NOX4: variants seen among roughly 807,000 people sequenced by gnomAD.
NOX4 encodes the protein NADPH oxidase 4.
A neutral mutation model predicts 87.6 loss-of-function variants in NOX4; 69 were observed. The ratio of observed to expected loss-of-function variants is 0.79; its 90% CI spans 0.65 to 0.96. NOX4 has a LOEUF of 0.96. Among genes scored for constraint, NOX4 ranks in the 40% least tolerant of loss-of-function variants. The pLI, the probability that NOX4 is intolerant of heterozygous loss-of-function variation, is 0.00. For missense variants in NOX4, 680 were observed against 681.5 expected, an observed-to-expected ratio of 1.00 and a Z score of 0.02; for synonymous variants, 275 against 238.2, an observed-to-expected ratio of 1.15 and a Z score of -1.42.
chr11:89,383,719 C>T (rs1263062007), intron 11 of NOX4, among the ~76,000 whole-genome samples: 1 of 152,144 alleles, frequency 6.6e-6, no homozygotes, highest in Non-Finnish European at 1.5e-5. Flanking sequence ...AAGTTATCCC[C>T]ACCTGCCCAG....
At chr11:89,447,353 G>GA (rs1322238712) in intron 4 of NOX4, among the ~76,000 whole-genome samples, 1 of 151,638 alleles carries the variant, frequency 6.6e-6, no homozygotes, top group Non-Finnish European at 1.5e-5. Flanking sequence ...GAATTTCTCT[G>GA]AAAAAAAATT....
intron 12 of NOX4, among the ~76,000 whole-genome samples, chr11:89,368,149 T>C (rs1390084804): frequency 1.3e-5 from 2 of 151,862 alleles, no homozygotes; most frequent in Non-Finnish European, 2.9e-5. Context: ...ATAATTATTA[T>C]AAAATAATCA....
intron 4 of NOX4, 125 bp downstream of exon 4, chr11:89,449,315 T>A (rs1203296685): frequency 4.5e-5 from 28 of 622,258 alleles, no homozygotes; most frequent in Non-Finnish European, 8.3e-6. Flanking sequence ...CAAATTGTCA[T>A]CAGTGGTTGT....
At chr11:89,554,308 C>T in the NOX4 span, among the ~76,000 whole-genome samples, 1 of 152,076 alleles carries the variant, frequency 6.6e-6, no homozygotes, top group Admixed American at 6.6e-5. Context: ...CCACATTTAT[C>T]ATAAACTACC....
At chr11:89,391,773 A>T (rs1356535079) in intron 11 of NOX4, among the ~76,000 whole-genome samples, 1 of 151,846 alleles carries the variant, frequency 6.6e-6, no homozygotes, top group Non-Finnish European at 1.5e-5. Flanking sequence ...AAGAAAAAAA[A>T]TTAATGAGAT....
intron 13 of NOX4, among the ~76,000 whole-genome samples, chr11:89,347,914 C>G (rs1946287369): frequency 6.6e-6 from 1 of 152,200 alleles, no homozygotes; most frequent in African/African-American, 2.4e-5. Flanking sequence ...GTCTAATTAT[C>G]TTTCTCCTTG....
At chr11:89,579,688 A>G in the NOX4 span, among the ~76,000 whole-genome samples, 26 of 152,200 alleles carry the variant, frequency 1.7e-4, no homozygotes, top group Admixed American at 6.5e-5. Flanking sequence ...TAACAAATTT[A>G]TCATACTAAT....
the NOX4 span, among the ~76,000 whole-genome samples, chr11:89,541,173 T>C: frequency 1.3e-5 from 2 of 152,166 alleles, no homozygotes; most frequent in African/African-American, 4.8e-5. Flanking sequence ...TTTCTCCATA[T>C]TATATTTTAT....
chr11:89,458,739 C>G (rs975666998), intron 2 of NOX4, among the ~76,000 whole-genome samples: 4 of 152,016 alleles, frequency 2.6e-5, no homozygotes, highest in Non-Finnish European at 5.9e-5. Context: ...AAATGCAAAT[C>G]AAAACCACAA....
At chr11:89,442,210 A>T (rs1336654660) in intron 5 of NOX4, among the ~76,000 whole-genome samples, 1 of 151,812 alleles carries the variant, frequency 6.6e-6, no homozygotes, top group East Asian at 1.9e-4. Context: ...GGAAATACTA[A>T]CTTAAAACGT....
chr11:89,555,347 G>A, the NOX4 span, among the ~76,000 whole-genome samples: 1 of 152,070 alleles, frequency 6.6e-6, no homozygotes, highest in Non-Finnish European at 1.5e-5. Context: ...TTAGACAGGT[G>A]TGGTAGTGAA....
chr11:89,341,242 C>T (rs975038870), intron 14 of NOX4, among the ~76,000 whole-genome samples: 5 of 150,134 alleles, frequency 3.3e-5, no homozygotes, highest in African/African-American at 1.2e-4. Context: ...CATGCCTCAG[C>T]CTCTGGAGTA....
At chr11:89,563,273 CAT>C in the NOX4 span, among the ~76,000 whole-genome samples, 5 of 152,166 alleles carry the variant, frequency 3.3e-5, no homozygotes, top group African/African-American at 4.8e-5. Context: ...TTTAGCTTTT[CAT>C]ATCTTTGTTA....
At chr11:89,573,233 C>T in the NOX4 span, among the ~76,000 whole-genome samples, 28 of 152,068 alleles carry the variant, frequency 1.8e-4, no homozygotes, top group East Asian at 4.6e-3. Context: ...TGCTTTAACC[C>T]AACTTTAAGA....
At chr11:89,505,223 T>G in the NOX4 span, among the ~76,000 whole-genome samples, 3 of 151,886 alleles carry the variant, frequency 2.0e-5, no homozygotes, top group Admixed American at 6.6e-5. Context: ...TAGAAATCAT[T>G]AATGTCTGTC....
chr11:89,447,753 C>T (rs896305843), intron 4 of NOX4, among the ~76,000 whole-genome samples: 1 of 152,052 alleles, frequency 6.6e-6, no homozygotes, highest in Non-Finnish European at 1.5e-5. Flanking sequence ...CCTGATCCTC[C>T]TCCATTTCTG....
chr11:89,530,344 C>CATT, the NOX4 span, among the ~76,000 whole-genome samples: 1 of 127,828 alleles, frequency 7.8e-6, no homozygotes, highest in Non-Finnish European at 1.6e-5. Flanking sequence ...GATGTCTATT[C>CATT]TTTTTTTTTT....
chr11:89,584,065 AAC>A, the NOX4 span, among the ~76,000 whole-genome samples: 3 of 152,192 alleles, frequency 2.0e-5, no homozygotes, highest in Non-Finnish European at 2.9e-5. Flanking sequence ...AGGCAAGCCA[AAC>A]ACAGTCTCTC....
the NOX4 span, among the ~76,000 whole-genome samples, chr11:89,506,654 G>A: frequency 6.6e-6 from 1 of 151,692 alleles, no homozygotes; most frequent in Non-Finnish European, 1.5e-5. Flanking sequence ...AGAAGCCACA[G>A]ACATGAATAA....
Sources: gnomAD v4.1 joint callset for allele counts (sites outside exome capture counted in the v4.1 genomes callset) on GRCh38, gnomAD v4.1.1 for gene constraint, MANE v1.5 for transcripts, NCBI Gene and HGNC (gene_info 2026-07-23, HGNC 2026-07-21) for gene names.